The following LSAMP variants were observed in gnomAD, a reference collection of about 807,000 sequenced individuals.
LSAMP encodes limbic system-associated membrane protein.
LSAMP carries 7 observed loss-of-function variants against 38.6 expected under a neutral mutation model. The observed-to-expected ratio is 0.18, with a 90% CI of 0.10 to 0.34. The LOEUF is 0.34. LSAMP is among the 10% of genes least tolerant of loss of function. The pLI, the probability that LSAMP is intolerant of heterozygous loss-of-function variation, is 1.00. For synonymous variants in LSAMP, 154 were observed against 166.8 expected (o/e 0.92, Z 0.59); for missense variants, 313 against 420.0 (o/e 0.75, Z 2.23).
chr3:116,408,729 T>G (rs1232732582), intron 1 of LSAMP, among the ~76,000 whole-genome samples: 1 of 152,080 alleles, frequency 6.6e-6, no homozygotes, highest in Non-Finnish European at 1.5e-5. Context: ...AACTCCAAAG[T>G]CAATGCTTTT....
intron 1 of LSAMP, among the ~76,000 whole-genome samples, chr3:116,372,878 A>AC (rs1045426145): frequency 8.6e-5 from 13 of 150,906 alleles, no homozygotes; most frequent in African/African-American, 3.2e-4. Context: ...AAAAAAAAAA[A>AC]CAGAATATAA....
chr3:116,019,486 G>A lies in LSAMP; in HGVS notation c.514+29C>T, dbSNP rs180729359. On this transcript the variant is annotated intron_variant, in intron 3 of 6. Transcript: ENST00000490035. The stretch of plus-strand genomic sequence containing the variant: ...CATGAGCATATTTTAAACAGCATGT[G>A]GCATATTGGAACCTGGAGTATTGCT... 955 of 1,607,622 alleles carry A rather than the reference G, an allele frequency of 5.9e-4. 2 individuals are homozygous for A. The highest frequency in any genetic ancestry group is 4.3e-3 in the African/African-American group (319 of 74,860).
intron 1 of LSAMP, among the ~76,000 whole-genome samples, chr3:116,202,124 T>TTTTCC (rs1352007657): frequency 6.6e-6 from 1 of 150,996 alleles, no homozygotes; most frequent in Non-Finnish European, 1.5e-5. Flanking sequence ...TACTTTTTTC[T>TTTTCC]TTTCCTTTCC....
At chr3:115,977,869 A>G (rs535116372) in intron 3 of LSAMP, among the ~76,000 whole-genome samples, 1 of 151,010 alleles carries the variant, frequency 6.6e-6, no homozygotes, top group East Asian at 1.9e-4. Flanking sequence ...GAAAGAAGAC[A>G]TAGTCTTTAT....
chr3:116,139,970 T>C (rs1920370), intron 1 of LSAMP, among the ~76,000 whole-genome samples: 35,561 of 151,868 alleles, frequency 0.23, 4,180 homozygotes, highest in Admixed American at 0.26. Flanking sequence ...ATGGTTTTAT[T>C]AGTCCAAAAT....
intron 1 of LSAMP, among the ~76,000 whole-genome samples, chr3:116,239,424 C>A (rs2046504226): frequency 6.6e-6 from 1 of 151,994 alleles, no homozygotes; most frequent in African/African-American, 2.4e-5. Context: ...GAAAGTAAAA[C>A]ATTTCAGCAA....
intron 1 of LSAMP, among the ~76,000 whole-genome samples, chr3:116,342,785 G>T (rs2048013497): frequency 6.6e-6 from 1 of 152,046 alleles, no homozygotes; most frequent in African/African-American, 2.4e-5. Context: ...AAATTTTCAT[G>T]CAGTTACAAC....
chr3:116,267,411 T>A (rs1559805526), intron 1 of LSAMP, among the ~76,000 whole-genome samples: 1 of 152,240 alleles, frequency 6.6e-6, no homozygotes, highest in Non-Finnish European at 1.5e-5. Flanking sequence ...ATTTGTACAA[T>A]GTTTCCTGTT....
chr3:115,886,223 C>G (rs770959578), intron 3 of LSAMP, among the ~76,000 whole-genome samples: 1 of 151,950 alleles, frequency 6.6e-6, no homozygotes, highest in Non-Finnish European at 1.5e-5. Flanking sequence ...TACAGACAGA[C>G]TCAGAAAAAA....
chr3:115,875,429 G>A (rs887316486), intron 3 of LSAMP, among the ~76,000 whole-genome samples: 2 of 152,030 alleles, frequency 1.3e-5, no homozygotes, highest in African/African-American at 4.8e-5. Flanking sequence ...CTGCACTGTA[G>A]CCGTCTCTCT....
At chr3:116,282,568 C>A (rs939112299) in intron 1 of LSAMP, among the ~76,000 whole-genome samples, 7 of 152,268 alleles carry the variant, frequency 4.6e-5, no homozygotes, top group African/African-American at 7.2e-5. Context: ...CTTACGTAGT[C>A]TCTATACATG....
chr3:116,358,795 A>G (rs748284058), intron 1 of LSAMP, among the ~76,000 whole-genome samples: 8 of 152,222 alleles, frequency 5.3e-5, no homozygotes, highest in African/African-American at 1.4e-4. Flanking sequence ...ACTGGTTTTA[A>G]TAACATTTTT....
intron 1 of LSAMP, among the ~76,000 whole-genome samples, chr3:116,153,860 GA>G (rs1314780590): frequency 2.0e-5 from 3 of 151,898 alleles, no homozygotes; most frequent in African/African-American, 7.2e-5. Flanking sequence ...GTTTTATAAA[GA>G]AATTATTTTA....
chr3:116,339,782 C>G (rs2047968865), intron 1 of LSAMP, among the ~76,000 whole-genome samples: 1 of 152,028 alleles, frequency 6.6e-6, no homozygotes, highest in Admixed American at 6.6e-5. Flanking sequence ...GCTGACTTCC[C>G]CAGCTGAGAT....
chr3:116,045,949 C>T (rs1941279826), intron 2 of LSAMP, among the ~76,000 whole-genome samples: 1 of 152,170 alleles, frequency 6.6e-6, no homozygotes, highest in Non-Finnish European at 1.5e-5. Flanking sequence ...GGGTCAGAGT[C>T]CAGGTCTGCC....
At chr3:116,177,030 T>A (rs1235467647) in intron 1 of LSAMP, among the ~76,000 whole-genome samples, 1 of 152,128 alleles carries the variant, frequency 6.6e-6, no homozygotes, top group African/African-American at 2.4e-5. Flanking sequence ...GTTACATAAT[T>A]AGATAAAAGC....
chr3:116,099,798 C>A (rs143697603), intron 1 of LSAMP, among the ~76,000 whole-genome samples: 1 of 152,250 alleles, frequency 6.6e-6, no homozygotes, highest in African/African-American at 2.4e-5. Flanking sequence ...TCCATGCACA[C>A]TTTTATACAT....
intron 2 of LSAMP, among the ~76,000 whole-genome samples, chr3:116,076,678 A>G (rs912154286): frequency 7.2e-5 from 11 of 152,296 alleles, no homozygotes; most frequent in South Asian, 2.1e-4. Flanking sequence ...AAAAAATTCA[A>G]TTTACCTTGG....
At chr3:115,884,037 G>T (rs1172478452) in intron 3 of LSAMP, among the ~76,000 whole-genome samples, 1 of 152,058 alleles carries the variant, frequency 6.6e-6, no homozygotes, top group African/African-American at 2.4e-5. Flanking sequence ...AGCAGAGAAT[G>T]TAGTAATTGG....
Sources: allele counts gnomAD v4.1 joint callset (sites outside exome capture counted in the v4.1 genomes callset), GRCh38; gene constraint gnomAD v4.1.1; transcripts MANE v1.5; gene names NCBI Gene and HGNC (gene_info 2026-07-23, HGNC 2026-07-21).